The following VIL1 variants were observed in gnomAD, a reference collection of about 807,000 sequenced individuals.
VIL1 encodes the protein villin 1, also known as villin-1.
VIL1 carries 86 observed loss-of-function variants against 104.0 expected under a neutral mutation model. The ratio of observed to expected loss-of-function variants is 0.83; its 90% CI spans 0.69 to 0.99. The LOEUF is 0.99. Ranked by LOEUF, VIL1 falls within the 50% of genes least tolerant of loss-of-function variation. VIL1 has a pLI of 0.00. For synonymous variants in VIL1, 394 were observed against 412.6 expected, an observed-to-expected ratio of 0.95 and a Z score of 0.55; for missense variants, 944 against 1,054.1, an observed-to-expected ratio of 0.90 and a Z score of 1.45.
At chr2:218,439,518 G>A (rs1437687191) in intron 18 of VIL1, among the ~76,000 whole-genome samples, 2 of 152,028 alleles carry the variant, frequency 1.3e-5, no homozygotes, top group Non-Finnish European at 2.9e-5. Flanking sequence ...CTTTCAGTGA[G>A]TTAACAGAAG....
chr2:218,445,236 C>G (rs1689345827), intron 19 of VIL1, among the ~76,000 whole-genome samples: 1 of 152,052 alleles, frequency 6.6e-6, no homozygotes, highest in South Asian at 2.1e-4. Context: ...CCTGTCTCTA[C>G]AAAAAATACA....
rs199747933 is a variant in VIL1, at chr2:218,437,279, C to T, written c.2127C>T (p.Gly709=). 2 of 1,614,148 alleles carry T rather than the reference C, an allele frequency of 1.2e-6. No individual in the cohort carries two copies. Among genetic ancestry groups the T allele is most frequent in the South Asian group, 1.1e-5 (1 of 91,064 alleles). The change falls in exon 17 of 20, where the codon GGC becomes GGT. Residue 709 remains glycine (G), a synonymous_variant. Coordinates refer to ENST00000248444, the MANE Select transcript of VIL1 (RefSeq NM_007127.3). ...GACACGAGCCCCCCACCTTCACAGG[C>T]TGGTTCCTGGCTTGGGATCCCTTCA... ...KQGHEPPTFT[G]WFLAWDPFKW...
At chr2:218,436,885 T>C (rs1225375115) in intron 16 of VIL1, among the ~76,000 whole-genome samples, 5 of 152,222 alleles carry the variant, frequency 3.3e-5, no homozygotes, top group Non-Finnish European at 5.9e-5. Flanking sequence ...TTGAGAATCC[T>C]GGGCTTTGGA....
In VIL1 at chr2:218,420,588, T is replaced by G. The variant is rs59608126; in HGVS notation, c.-12+1420T>G. Among the ~76,000 whole-genome samples, 202 of 140,236 alleles carry G rather than the reference T, an allele frequency of 1.4e-3. 2 individuals carry two copies. Among genetic ancestry groups the G allele is most frequent in the South Asian group, 6.5e-3 (30 of 4,596 alleles). 92.0% of individuals were successfully genotyped at this position (140,236 alleles called of 152,430 possible). On this transcript the variant is annotated intron_variant, in intron 1 of 19. Coordinates refer to ENST00000248444, the MANE Select transcript of VIL1 (RefSeq NM_007127.3). ...GCATCATGAGTATTTGTTTTTTTTT[T>G]TTTTGTTTTTTTTTTGAGAAGGAGT...
intron 2 of VIL1, 58 bp from the exon 3 acceptor site, chr2:218,424,219 C>A: frequency 6.5e-7 from 1 of 1,529,940 alleles, no homozygotes; most frequent in Non-Finnish European, 9.0e-7. Context: ...GCCCTCCTCC[C>A]AGGCCTAGGG....
rs1459469276 is a variant in VIL1, at chr2:218,435,351, G to T, written c.1743G>T (p.Glu581Asp). 11 of 1,614,138 alleles carry T rather than the reference G, an allele frequency of 6.8e-6. No homozygotes were observed. In the South Asian group the frequency reaches 9.9e-5, roughly 14 times the overall value. Residue 581 changes from glutamate (E) to aspartate (D), a missense_variant, in exon 15 of 20, where the codon GAG becomes GAT. Physicochemically the swap from Glu to Asp is conservative, Grantham distance 45. Coordinates refer to ENST00000248444, the MANE Select transcript of VIL1 (RefSeq NM_007127.3). ...TTGCTGACACCATCTCCCGGACGGA[G>T]AAGCAAGTGGTGGTGGAAGGGCAGG... Reference protein sequence around the residue: ...KMVADTISRTEKQVVVEGQEP... With the variant: ...KMVADTISRTDKQVVVEGQEP...
chr2:218,426,592 C>A (rs1689006478), intron 4 of VIL1, among the ~76,000 whole-genome samples: 1 of 151,394 alleles, frequency 6.6e-6, no homozygotes, highest in Admixed American at 6.6e-5. Context: ...CAGGCCCGAG[C>A]CACCATGCCC....
chr2:218,421,010 G>C (rs1688893214), intron 1 of VIL1, among the ~76,000 whole-genome samples: 1 of 152,132 alleles, frequency 6.6e-6, no homozygotes, highest in Admixed American at 6.6e-5. Flanking sequence ...ATGTGGTCAG[G>C]GGGCCAAGAG....
chr2:218,439,261 C>T (rs187549160), intron 18 of VIL1, among the ~76,000 whole-genome samples: 13 of 151,898 alleles, frequency 8.6e-5, no homozygotes, highest in Non-Finnish European at 1.6e-4. Context: ...GCATAGAAGT[C>T]GGGGAGATGG....
At chr2:218,426,828 T>A (rs545424221) in intron 4 of VIL1, among the ~76,000 whole-genome samples, 1 of 151,094 alleles carries the variant, frequency 6.6e-6, no homozygotes, top group Non-Finnish European at 1.5e-5. Flanking sequence ...GGTCTCAATC[T>A]CCTGACCTCA....
At chr2:218,438,619 T>C (rs1309394427) in intron 17 of VIL1, 39 bp from the exon 18 acceptor site, 1 of 1,584,304 alleles carries the variant, frequency 6.3e-7, no homozygotes, top group Non-Finnish European at 8.6e-7. Flanking sequence ...TCTCCTCTGC[T>C]GAGATCCAGG....
At chr2:218,422,495 A>G (rs1688912191) in intron 1 of VIL1, among the ~76,000 whole-genome samples, 1 of 152,196 alleles carries the variant, frequency 6.6e-6, no homozygotes. Context: ...AGGGGCTCCT[A>G]CAGTTACACG....
rs1214303553 is a variant in VIL1 at position 218,437,401 on chromosome 2, T to G, written c.2160+89T>G. On this transcript the variant is annotated intron_variant, in intron 17 of 19. Coordinates refer to ENST00000248444, the MANE Select transcript of VIL1 (RefSeq NM_007127.3). ...CAGGCCATTCTGTCTCTTTGGGATA[T>G]ATGACCTGCTGATTTAGAAAGGGGC... 3 of 1,472,038 alleles carry G rather than the reference T, an allele frequency of 2.0e-6. No homozygotes were observed. In the African/African-American group the frequency reaches 4.2e-5, roughly 21 times the overall value. The allele number at this position is 1,472,038 out of a possible 1,614,324, so 91.2% of individuals were successfully genotyped here. A position where few individuals can be genotyped will look rare whatever the true frequency, so the allele number is the denominator to read the frequency against.
chr2:218,440,757 T>C lies in VIL1; in HGVS notation c.2265T>C (p.Ala755=). ...VTSPKVDVFN[A]NSNLSSGPLP... ...GCCCCAAAGTGGACGTGTTCAATGC[T>C]AACAGCAACCTCAGTTCTGGGCCTC... Residue 755 remains alanine, a synonymous_variant, in exon 19 of 20, where the codon GCT becomes GCC. Transcript: ENST00000248444. 2.5e-6 allele frequency: 4 copies of C among 1,614,198 alleles called. No homozygotes were observed. The highest frequency in any genetic ancestry group is 3.4e-6 in the Non-Finnish European group (4 of 1,180,028).
At position 218,429,437 on chromosome 2, in the gene VIL1, G is replaced by A. The variant is rs780936988; in HGVS notation, c.720G>A (p.Val240=). The A allele has an allele frequency of 9.3e-6, 15 of 1,613,904 alleles. No homozygotes were observed. In the African/African-American group the frequency reaches 1.7e-4, roughly 19 times the overall value. ...AGCGCAGGGAGCTGAAGGCGGCCGT[G>A]CCCGACACGGTGGTGGAGCCGGCAC... ...LGKRRELKAA[V]PDTVVEPALK... Residue 240 remains valine (V), a synonymous_variant, in exon 7 of 20, where the codon GTG becomes GTA. Transcript: ENST00000248444.
At chr2:218,420,863 G>A (rs544922747) in intron 1 of VIL1, among the ~76,000 whole-genome samples, 7 of 152,270 alleles carry the variant, frequency 4.6e-5, no homozygotes, top group South Asian at 4.1e-4. Flanking sequence ...GGGATTACAC[G>A]CGTGAGCCAC....
At position 218,427,056 on chromosome 2, in the gene VIL1, G is replaced by T. The variant is rs529572686; in HGVS notation, c.348-909G>T. Among the ~76,000 whole-genome samples, 27 of 152,224 alleles carry T rather than the reference G, an allele frequency of 1.8e-4. 2 individuals carry two copies. The South Asian group carries it at 5.4e-3, about 30-fold the overall frequency. On this transcript the variant is annotated intron_variant, in intron 4 of 19. Coordinates refer to ENST00000248444, the MANE Select transcript of VIL1 (RefSeq NM_007127.3). ...TGAGCTACCACTCCCAGCCCAGACT[G>T]CTGGCTTTTCTATACAAGTTGAAGT...
intron 14 of VIL1, 106 bp from the exon 15 acceptor site, chr2:218,435,178 GGTCCT>G (rs1559148682): frequency 1.4e-6 from 2 of 1,448,008 alleles, no homozygotes; most frequent in Non-Finnish European, 1.9e-6. Flanking sequence ...GTATACACAA[GGTCCT>G]GACCCAGGAG....
At position 218,429,875 on chromosome 2, in the gene VIL1, C is replaced by A; in HGVS notation, c.876C>A (p.Gly292=). 5 of 1,613,668 alleles carry A rather than the reference C, an allele frequency of 3.1e-6. No individual in the cohort carries two copies. In the South Asian group the frequency reaches 5.5e-5, roughly 18 times the overall value. ...HEDCYILDQG[G]LKIYVWKGKK... The stretch of plus-strand genomic sequence containing the variant: ...ACTGTTACATCCTGGACCAGGGGGG[C>A]CTGAAGATCTACGTGTGGAAAGGGA... Residue 292 remains glycine, a synonymous_variant, in exon 9 of 20, where the codon GGC becomes GGA. Coordinates refer to ENST00000248444, the MANE Select transcript of VIL1 (RefSeq NM_007127.3).
Sources: gnomAD v4.1 joint callset for allele counts (sites outside exome capture counted in the v4.1 genomes callset) on GRCh38, gnomAD v4.1.1 for gene constraint, MANE v1.5 for transcripts, NCBI Gene and HGNC (gene_info 2026-07-23, HGNC 2026-07-21) for gene names.